INPP4B: variants seen among roughly 807,000 people sequenced by gnomAD.
The protein encoded by INPP4B is inositol polyphosphate-4-phosphatase type II B, also known as inositol polyphosphate 4-phosphatase type II.
A neutral mutation model predicts 122.5 loss-of-function variants in INPP4B; 55 were observed. That is an observed-to-expected ratio of 0.45 (90% CI 0.36 to 0.56). INPP4B has a LOEUF of 0.56. Among genes scored for constraint, INPP4B ranks in the 20% least tolerant of loss-of-function variants. The pLI is 0.00. For synonymous variants in INPP4B, 403 were observed against 388.7 expected (o/e 1.04, Z -0.43); for missense variants, 1,000 against 1,097.7 (o/e 0.91, Z 1.26).
chr4:142,207,069 T>A (rs73850820), intron 14 of INPP4B, among the ~76,000 whole-genome samples: 8,661 of 152,216 alleles, frequency 0.057, 862 homozygotes, highest in African/African-American at 0.2. Flanking sequence ...CTCTGTATCC[T>A]GGCTTATTTC....
chr4:142,200,588 AT>A (rs1291606871), intron 14 of INPP4B, among the ~76,000 whole-genome samples: 14 of 151,672 alleles, frequency 9.2e-5, no homozygotes, highest in Non-Finnish European at 2.9e-5. Context: ...ATTTTTTATA[AT>A]TTTATTGATC....
chr4:142,198,916 C>T (rs1162201225), intron 14 of INPP4B, among the ~76,000 whole-genome samples: 3 of 151,896 alleles, frequency 2.0e-5, no homozygotes, highest in East Asian at 3.9e-4. Flanking sequence ...TGTTCTTTAC[C>T]CTTGTAAATT....
At chr4:142,040,215 C>G (rs562865624) in intron 25 of INPP4B, among the ~76,000 whole-genome samples, 91 of 152,162 alleles carry the variant, frequency 6.0e-4, no homozygotes, top group African/African-American at 2.1e-3. Flanking sequence ...GAGGGTGAAG[C>G]CTTGTTCGTT....
chr4:142,841,877 A>C (rs1783539637), intron 1 of INPP4B, among the ~76,000 whole-genome samples: 1 of 151,934 alleles, frequency 6.6e-6, no homozygotes, highest in Non-Finnish European at 1.5e-5. Flanking sequence ...CTTGTAAAAC[A>C]ACAAAGAAAA....
chr4:142,320,876 G>A (rs1579725786), intron 7 of INPP4B, among the ~76,000 whole-genome samples: 1 of 152,258 alleles, frequency 6.6e-6, no homozygotes, highest in East Asian at 1.9e-4. Flanking sequence ...ATTGATTGAT[G>A]GGCATTTGGG....
chr4:142,776,787 T>C (rs1773984926), intron 1 of INPP4B, among the ~76,000 whole-genome samples: 1 of 152,122 alleles, frequency 6.6e-6, no homozygotes, highest in African/African-American at 2.4e-5. Context: ...TTTCAGAGCC[T>C]AGAGACCTGG....
At chr4:142,227,560 G>T (rs1279085280) in intron 12 of INPP4B, among the ~76,000 whole-genome samples, 1 of 151,934 alleles carries the variant, frequency 6.6e-6, no homozygotes, top group African/African-American at 2.4e-5. Flanking sequence ...ATGTATTCAT[G>T]AAAAATTTGA....
Position 142,230,529 on chromosome 4 carries a change from C to T in INPP4B, c.836+7335G>A, listed in dbSNP as rs187927651. Among the ~76,000 whole-genome samples, 140 of 151,010 alleles carry T rather than the reference C, an allele frequency of 9.3e-4. 1 individual carries two copies. The highest frequency in any genetic ancestry group is 3.4e-3 in the African/African-American group (138 of 41,112). ...ACGTGGTGGCGCTTGCCTGTAATTCCGGCTACTTGGAGGTTGAGGTAGGAG... is the reference window on the plus strand; with the variant it reads ...ACGTGGTGGCGCTTGCCTGTAATTCTGGCTACTTGGAGGTTGAGGTAGGAG... On this transcript the variant is annotated intron_variant, in intron 12 of 25. Transcript: ENST00000262992.
chr4:142,410,962 T>C (rs1170833909), intron 5 of INPP4B, among the ~76,000 whole-genome samples: 2 of 152,216 alleles, frequency 1.3e-5, no homozygotes, highest in Admixed American at 6.5e-5. Flanking sequence ...GTTAAATATA[T>C]ACCTGTGATT....
chr4:142,798,166 G>T (rs1777525733), intron 1 of INPP4B, among the ~76,000 whole-genome samples: 1 of 151,788 alleles, frequency 6.6e-6, no homozygotes, highest in Non-Finnish European at 1.5e-5. Context: ...ACCAAAGGAA[G>T]GACAGGAGAG....
At chr4:142,622,341 C>T (rs917801491) in intron 2 of INPP4B, among the ~76,000 whole-genome samples, 1 of 151,360 alleles carries the variant, frequency 6.6e-6, no homozygotes, top group Non-Finnish European at 1.5e-5. Flanking sequence ...AAAAAAAAGT[C>T]CCCATCCCTT....
chr4:142,065,609 G>GA (rs1195212207), intron 25 of INPP4B, among the ~76,000 whole-genome samples: 1 of 152,100 alleles, frequency 6.6e-6, no homozygotes, highest in African/African-American at 2.4e-5. Flanking sequence ...AAAAGACCAC[G>GA]AATTGTATAA....
chr4:142,274,005 A>G (rs1747184443), intron 9 of INPP4B, among the ~76,000 whole-genome samples: 1 of 151,876 alleles, frequency 6.6e-6, no homozygotes, highest in East Asian at 1.9e-4. Flanking sequence ...CAATTAGGAG[A>G]GTCACAAATG....
intron 15 of INPP4B, among the ~76,000 whole-genome samples, chr4:142,176,611 T>G (rs1189372407): frequency 6.6e-6 from 1 of 152,158 alleles, no homozygotes; most frequent in Non-Finnish European, 1.5e-5. Context: ...ATGCCCTAGT[T>G]GAATGGTGCT....
At chr4:142,475,789 C>G (rs1297965139) in intron 2 of INPP4B, among the ~76,000 whole-genome samples, 1 of 151,910 alleles carries the variant, frequency 6.6e-6, no homozygotes, top group Admixed American at 6.6e-5. Context: ...AGACAAAAAA[C>G]AAACAAACAA....
At chr4:142,468,198 C>A (rs1443020407) in intron 2 of INPP4B, 1 of 152,138 alleles carries the variant, frequency 6.6e-6, no homozygotes, top group African/African-American at 2.4e-5. Context: ...ACCCCAGGAT[C>A]CTGGTGTGAT....
chr4:142,781,049 C>A (rs1003396545), intron 1 of INPP4B, among the ~76,000 whole-genome samples: 3 of 152,216 alleles, frequency 2.0e-5, no homozygotes, highest in African/African-American at 7.2e-5. Flanking sequence ...TATAACAATG[C>A]GGTTCTTTAG....
At chr4:142,496,943 T>C (rs1822649669) in intron 2 of INPP4B, 1 of 89,076 alleles carries the variant, frequency 1.1e-5, no homozygotes, top group Admixed American at 1.6e-4. Context: ...AACTGGCAAA[T>C]AGCTAAAAAA....
chr4:142,295,291 T>G (rs1219045929), intron 9 of INPP4B, among the ~76,000 whole-genome samples: 1 of 152,166 alleles, frequency 6.6e-6, no homozygotes, highest in Non-Finnish European at 1.5e-5. Flanking sequence ...TATTACAAAC[T>G]TGTGCATGGG....
Sources: allele counts gnomAD v4.1 joint callset (sites outside exome capture counted in the v4.1 genomes callset), GRCh38; gene constraint gnomAD v4.1.1; transcripts MANE v1.5; gene names NCBI Gene and HGNC (gene_info 2026-07-23, HGNC 2026-07-21).